The following AFF3 variants were observed in gnomAD, a reference collection of about 807,000 sequenced individuals.
The protein encoded by AFF3 is AF4/FMR2 family member 3.
AFF3 carries 32 observed loss-of-function variants against 129.7 expected under a neutral mutation model. The ratio of observed to expected loss-of-function variants is 0.25; its 90% CI spans 0.19 to 0.33. The LOEUF is 0.33. Among genes scored for constraint, AFF3 ranks in the 10% least tolerant of loss-of-function variants. The probability of loss-of-function intolerance (pLI) is 1.00; values close to 1 mark genes in which losing one functional copy is unlikely to be tolerated. For synonymous variants in AFF3, 644 were observed against 635.4 expected (o/e 1.01, Z -0.20); for missense variants, 1,373 against 1,592.0 (o/e 0.86, Z 2.34).
At chr2:99,828,557 A>G (rs1220476200) in intron 8 of AFF3, among the ~76,000 whole-genome samples, 1 of 152,220 alleles carries the variant, frequency 6.6e-6, no homozygotes, top group Non-Finnish European at 1.5e-5. Flanking sequence ...GACCGCCACG[A>G]GACGGACCCA....
At chr2:100,004,308 T>C (rs1404686418) in intron 7 of AFF3, among the ~76,000 whole-genome samples, 1 of 152,238 alleles carries the variant, frequency 6.6e-6, no homozygotes, top group Non-Finnish European at 1.5e-5. Flanking sequence ...ATCTTTATTT[T>C]TAAAAATATT....
rs6714246 is a variant in AFF3 at position 100,090,372 on chromosome 2, T to C, written c.53+14030A>G. 4.6e-4 allele frequency among the ~76,000 whole-genome samples: 70 copies of C among 152,360 alleles called. 1 individual carries two copies. The highest frequency in any genetic ancestry group is 1.6e-3 in the African/African-American group (68 of 41,588). ...CAGTTGTTACCATTGTCTTCATCCA[T>C]AAAATTTGTCAAATTAGAGGTTTTA... On this transcript the variant is annotated intron_variant, in intron 4 of 24. Coordinates refer to ENST00000672756, the MANE Select transcript of AFF3 (RefSeq NM_001386135.1).
Position 99,860,323 on chromosome 2 carries a change from G to A in AFF3, c.874-22799C>T, listed in dbSNP as rs368544028. Among the ~76,000 whole-genome samples the A allele has an allele frequency of 1.8e-4, 28 of 152,214 alleles. No individual in the cohort carries two copies. In the East Asian group the frequency reaches 3.3e-3, roughly 18 times the overall value. ...AATCCCAGCACTCTGGGAGGCCGAG[G>A]TGGGCAGATCACGAGGTCAGGAGAT... On this transcript the variant is annotated intron_variant, in intron 7 of 24. Transcript: ENST00000672756.
At chr2:99,597,522 C>T (rs1679407578) in intron 14 of AFF3, among the ~76,000 whole-genome samples, 1 of 152,254 alleles carries the variant, frequency 6.6e-6, no homozygotes, top group Non-Finnish European at 1.5e-5. Flanking sequence ...CCACATCTCT[C>T]CTCCTAATAA....
At chr2:100,047,390 T>G (rs953868520) in intron 4 of AFF3, among the ~76,000 whole-genome samples, 19 of 152,228 alleles carry the variant, frequency 1.2e-4, no homozygotes, top group Non-Finnish European at 2.4e-4. Context: ...ATTACTGATT[T>G]ACTTTTCTAT....
At chr2:99,866,962 C>CATAATAATAATA (rs1191700795) in intron 7 of AFF3, among the ~76,000 whole-genome samples, 2 of 93,902 alleles carry the variant, frequency 2.1e-5, no homozygotes, top group East Asian at 3.2e-4. Context: ...GGTAACACAG[C>CATAATAATAATA]ATAATAATAA....
chr2:99,608,543 A>T (rs1170751966), intron 13 of AFF3, among the ~76,000 whole-genome samples: 1 of 152,228 alleles, frequency 6.6e-6, no homozygotes, highest in Non-Finnish European at 1.5e-5. Flanking sequence ...CACGGGGGCC[A>T]CGCAAGTAGC....
intron 13 of AFF3, among the ~76,000 whole-genome samples, chr2:99,604,984 A>T (rs911827648): frequency 6.6e-6 from 1 of 152,192 alleles, no homozygotes; most frequent in African/African-American, 2.4e-5. Flanking sequence ...GGTGTGTGGG[A>T]TTCCTTGTGG....
intron 3 of AFF3, chr2:100,104,770 C>T: frequency 3.2e-6 from 3 of 939,010 alleles, no homozygotes; most frequent in South Asian, 4.8e-5. Flanking sequence ...CTCCTCCCCT[C>T]CCTCGCGGCG....
intron 7 of AFF3, among the ~76,000 whole-genome samples, chr2:99,929,200 G>C (rs1300502828): frequency 1.3e-5 from 2 of 152,110 alleles, no homozygotes; most frequent in Non-Finnish European, 2.9e-5. Flanking sequence ...GGTGGCACAT[G>C]CCTGTAATCC....
At chr2:99,843,306 A>T (rs1259433944) in intron 7 of AFF3, among the ~76,000 whole-genome samples, 3 of 152,074 alleles carry the variant, frequency 2.0e-5, no homozygotes, top group Non-Finnish European at 2.9e-5. Context: ...CTCACACCTA[A>T]CCTGTACCAT....
chr2:99,785,895 G>A (rs537737897), intron 8 of AFF3, among the ~76,000 whole-genome samples: 2 of 152,082 alleles, frequency 1.3e-5, no homozygotes, highest in African/African-American at 2.4e-5. Context: ...TTACAGGCAC[G>A]TGTCACCATG....
At chr2:99,618,611 T>C (rs1024006506) in intron 13 of AFF3, among the ~76,000 whole-genome samples, 7 of 152,232 alleles carry the variant, frequency 4.6e-5, no homozygotes, top group African/African-American at 1.7e-4. Flanking sequence ...TTAATTTTTA[T>C]TAACTGTAAT....
chr2:99,993,978 G>GT (rs1015356105), intron 7 of AFF3, among the ~76,000 whole-genome samples: 42 of 151,306 alleles, frequency 2.8e-4, no homozygotes, highest in African/African-American at 9.9e-4. Flanking sequence ...GCTAATTTTT[G>GT]TATTTTTAGT....
intron 7 of AFF3, among the ~76,000 whole-genome samples, chr2:99,993,456 T>TG (rs1576499745): frequency 6.6e-6 from 1 of 152,116 alleles, no homozygotes. Context: ...AAGTAATCAT[T>TG]GGGGGGCATA....
At chr2:100,134,356 C>G (rs1358444554) in intron 1 of AFF3, among the ~76,000 whole-genome samples, 2 of 152,094 alleles carry the variant, frequency 1.3e-5, no homozygotes, top group Admixed American at 1.3e-4. Flanking sequence ...TTTTTCTTCC[C>G]AACTGCTTAT....
intron 7 of AFF3, among the ~76,000 whole-genome samples, chr2:99,903,925 T>G (rs1172573016): frequency 6.6e-6 from 1 of 152,192 alleles, no homozygotes; most frequent in East Asian, 1.9e-4. Flanking sequence ...TAGACAGCCC[T>G]TTTCTAAATG....
intron 4 of AFF3, among the ~76,000 whole-genome samples, chr2:100,044,989 C>T (rs947682667): frequency 1.3e-5 from 2 of 152,120 alleles, no homozygotes; most frequent in African/African-American, 4.8e-5. Flanking sequence ...CGGCAATCTG[C>T]TTTGGGAAGA....
chr2:99,958,891 T>A (rs571979577), intron 7 of AFF3, among the ~76,000 whole-genome samples: 6 of 151,970 alleles, frequency 3.9e-5, no homozygotes, highest in Non-Finnish European at 7.4e-5. Context: ...GGCAGGAGGA[T>A]CATTTGGGCC....
Sources: allele counts gnomAD v4.1 joint callset (sites outside exome capture counted in the v4.1 genomes callset), GRCh38; gene constraint gnomAD v4.1.1; transcripts MANE v1.5; gene names NCBI Gene and HGNC (gene_info 2026-07-23, HGNC 2026-07-21).